ANKRD42: variants seen among roughly 807,000 people sequenced by gnomAD.
ANKRD42 encodes the protein ankyrin repeat domain-containing protein 42.
In ANKRD42, 43 loss-of-function variants were observed where a neutral mutation model predicts 51.5. The ratio of observed to expected loss-of-function variants is 0.83; its 90% CI spans 0.65 to 1.08. The LOEUF (loss-of-function observed/expected upper bound fraction) is 1.08, where lower values mean the gene tolerates loss of function less well. Among genes scored for constraint, ANKRD42 ranks in the 50% least tolerant of loss-of-function variants. The pLI is 0.00. For synonymous variants in ANKRD42, 203 were observed against 213.0 expected (o/e 0.95, Z 0.41); for missense variants, 608 against 629.3 (o/e 0.97, Z 0.36).
chr11:83,203,313 C>T (rs780831936), intron 2 of ANKRD42, among the ~76,000 whole-genome samples: 2 of 151,910 alleles, frequency 1.3e-5, no homozygotes, highest in Admixed American at 6.6e-5. Context: ...TTTTAACAAG[C>T]ATAAACAGAA....
At position 83,210,370 on chromosome 11, in the gene ANKRD42, C is replaced by T; in HGVS notation, c.401C>T (p.Ala134Val). Residue 134 changes from alanine to valine, a missense_variant, in exon 4 of 11, where the codon GCA becomes GTA. Physicochemically the swap from Ala to Val is moderately conservative, Grantham distance 64. Coordinates refer to ENST00000533342, the MANE Select transcript of ANKRD42 (RefSeq NM_001300975.2). ...DRGCTPLHLA[A>V]THGHSFTLQI... ...GGATGCACTCCTTTACATCTTGCTG[C>T]AACTCATGGACATTCTTTCACTTTA... 1 of 1,614,012 alleles carries T rather than the reference C, an allele frequency of 6.2e-7. No homozygotes were observed. Among genetic ancestry groups the T allele is most frequent in the South Asian group, 1.1e-5 (1 of 91,078 alleles).
At chr11:83,233,784 G>A (rs1201503108) in intron 7 of ANKRD42, among the ~76,000 whole-genome samples, 1 of 152,214 alleles carries the variant, frequency 6.6e-6, no homozygotes, top group Non-Finnish European at 1.5e-5. Flanking sequence ...CCGGGTTCAA[G>A]CAATTCTCCT....
At chr11:83,219,740 G>GTT (rs1862658569) in intron 5 of ANKRD42, among the ~76,000 whole-genome samples, 1 of 152,234 alleles carries the variant, frequency 6.6e-6, no homozygotes, top group African/African-American at 2.4e-5. Context: ...GAAGGGGAAA[G>GTT]TTTATCTGGG....
chr11:83,212,626 G>A, intron 5 of ANKRD42: 1 of 1,499,044 alleles, frequency 6.7e-7, no homozygotes, highest in Middle Eastern at 1.7e-4. Context: ...ATATGAACAG[G>A]CCTGATCAAA....
At chr11:83,231,045 A>G (rs1863054881) in intron 7 of ANKRD42, among the ~76,000 whole-genome samples, 1 of 152,060 alleles carries the variant, frequency 6.6e-6, no homozygotes, top group African/African-American at 2.4e-5. Context: ...TCTTTGATAT[A>G]CCCATTTCCT....
chr11:83,194,154 CG>C lies in ANKRD42; in HGVS notation c.-516del. 1 of 456,974 alleles carries C rather than the reference CG, an allele frequency of 2.2e-6. No homozygotes were observed. The highest frequency in any genetic ancestry group is 1.5e-5 in the South Asian group (1 of 64,570). The allele number at this position is 456,974 out of a possible 1,614,324, so 28.3% of individuals were successfully genotyped here. On this transcript the variant is annotated 5_prime_UTR_variant, in exon 1 of 11. Transcript: ENST00000533342. Reference sequence around the variant, plus strand: ...GGGGAGACAGCACCTTCTGCAGCAGCGACGTGAATTTTAGTGAAGTTGGAGG... The same window carrying C: ...GGGGAGACAGCACCTTCTGCAGCAGCACGTGAATTTTAGTGAAGTTGGAGG...
chr11:83,263,975 C>A (rs1330977670), downstream of ANKRD42, among the ~76,000 whole-genome samples: 1 of 152,132 alleles, frequency 6.6e-6, no homozygotes, highest in Non-Finnish European at 1.5e-5. Context: ...CGGCAGTTTT[C>A]TTTTAGACAG....
chr11:83,245,420 G>C (rs1263070278), intron 9 of ANKRD42, 78 bp from the exon 10 acceptor site: 5 of 1,435,094 alleles, frequency 3.5e-6, no homozygotes, highest in African/African-American at 2.9e-5. Flanking sequence ...GGAAGAATAT[G>C]CTCAAGAATA....
intron 5 of ANKRD42, among the ~76,000 whole-genome samples, chr11:83,219,903 C>T (rs944000384): frequency 3.9e-5 from 6 of 152,200 alleles, no homozygotes; most frequent in Non-Finnish European, 5.9e-5. Flanking sequence ...CCCTGGAGGG[C>T]ACCATGAACA....
At position 83,255,967 on chromosome 11, in the gene ANKRD42, T is replaced by C. The variant is rs1423073044; in HGVS notation, c.*33T>C. On this transcript the variant is annotated 3_prime_UTR_variant, in exon 12 of 12. Transcript: ENST00000260047. ...AATAACTAAATTGACCTGCTAGATT[T>C]TTCTCTTTCATTAAAAAAATTGATA... is the stretch of plus-strand genomic sequence containing the variant. 2.7e-6 allele frequency: 4 copies of C among 1,464,260 alleles called. No homozygotes were observed. In the Admixed American group the frequency reaches 7.4e-5, roughly 27 times the overall value. The allele number at this position is 1,464,260 out of a possible 1,614,324, so 90.7% of individuals were successfully genotyped here.
At chr11:83,224,167 T>A (rs1862802318) in intron 5 of ANKRD42, among the ~76,000 whole-genome samples, 1 of 152,078 alleles carries the variant, frequency 6.6e-6, no homozygotes, top group South Asian at 2.1e-4. Context: ...CAATCCATTC[T>A]TCTTGTTTAT....
chr11:83,249,825 G>A (rs966362747), downstream of ANKRD42, among the ~76,000 whole-genome samples: 1 of 152,090 alleles, frequency 6.6e-6, no homozygotes. Flanking sequence ...GCAAAAGCTT[G>A]AATCTCAATT....
At chr11:83,254,300 A>G (rs993951396) in intron 11 of ANKRD42, among the ~76,000 whole-genome samples, 1 of 152,012 alleles carries the variant, frequency 6.6e-6, no homozygotes, top group Non-Finnish European at 1.5e-5. Context: ...TAACTCTATT[A>G]AAGCACTAGG....
At chr11:83,199,949 T>C (rs1861804312) in intron 2 of ANKRD42, among the ~76,000 whole-genome samples, 1 of 152,198 alleles carries the variant, frequency 6.6e-6, no homozygotes, top group South Asian at 2.1e-4. Context: ...CTGGTATCCG[T>C]GGGTAGGTGG....
rs1199333991 is a variant in ANKRD42 at position 83,227,843 on chromosome 11, C to A, written c.884C>A (p.Ala295Asp). 6.2e-7 allele frequency: 1 copy of A among 1,611,502 alleles called. No homozygotes were observed. The highest frequency in any genetic ancestry group is 2.2e-5 in the East Asian group (1 of 44,748). The change falls in exon 7 of 11, where the codon GCT becomes GAT. Residue 295 changes from alanine (A) to aspartate (D), a missense_variant. By Grantham distance (126) the Ala-to-Asp change is moderately radical (BLOSUM62 -2). Transcript: ENST00000533342. ...GGAGTAATCAATATTAATGAGCGTG[C>A]TGATAATGGATCAACTCCTATGCAT... is the stretch of plus-strand genomic sequence containing the variant. Reference protein sequence around the residue: ...EDGVININERADNGSTPMHKA... With the variant: ...EDGVININERDDNGSTPMHKA...
downstream of ANKRD42, among the ~76,000 whole-genome samples, chr11:83,263,508 T>C (rs1864055642): frequency 6.6e-6 from 1 of 152,230 alleles, no homozygotes; most frequent in East Asian, 1.9e-4. Context: ...TGGTACATTT[T>C]AAGCACTCTG....
chr11:83,259,776 T>C (rs887472409), downstream of ANKRD42: 1 of 152,286 alleles, frequency 6.6e-6, no homozygotes, highest in Non-Finnish European at 1.5e-5. Flanking sequence ...GCAATCCTGC[T>C]GCCGCAGCCT....
At chr11:83,243,705 A>T (rs1245396012) in intron 9 of ANKRD42, among the ~76,000 whole-genome samples, 1 of 152,154 alleles carries the variant, frequency 6.6e-6, no homozygotes, top group Non-Finnish European at 1.5e-5. Flanking sequence ...GCTCTTGCCC[A>T]GGCTGGAGTG....
downstream of ANKRD42, among the ~76,000 whole-genome samples, chr11:83,251,557 A>G (rs1451882831): frequency 1.3e-5 from 2 of 152,210 alleles, no homozygotes; most frequent in African/African-American, 4.8e-5. Context: ...ATGGCTAGCC[A>G]TGATTTCAAC....
Sources: gnomAD v4.1 joint callset for allele counts (sites outside exome capture counted in the v4.1 genomes callset) on GRCh38, gnomAD v4.1.1 for gene constraint, MANE v1.5 for transcripts, NCBI Gene and HGNC (gene_info 2026-07-23, HGNC 2026-07-21) for gene names.